The following EFHC1 variants were observed in gnomAD, a reference collection of about 807,000 sequenced individuals.
EFHC1 encodes EF-hand domain containing 1.
Under a neutral mutation model 69.9 loss-of-function variants are expected in EFHC1, and 53 were observed. The ratio of observed to expected loss-of-function variants is 0.76; its 90% CI spans 0.61 to 0.95. EFHC1 has a LOEUF of 0.95. Ranked by LOEUF, EFHC1 falls within the 40% of genes least tolerant of loss-of-function variation. The pLI, the probability that EFHC1 is intolerant of heterozygous loss-of-function variation, is 0.00. For missense variants in EFHC1, 739 were observed against 798.7 expected (o/e 0.93, Z 0.90); for synonymous variants, 256 against 278.4 (o/e 0.92, Z 0.80).
In EFHC1 at chr6:52,494,816, A is replaced by G. The variant is rs781503993; in HGVS notation, c.*2475A>G. On this transcript the variant is annotated 3_prime_UTR_variant, in exon 11 of 11. Coordinates refer to ENST00000371068, the MANE Select transcript of EFHC1 (RefSeq NM_018100.4). ...GCAATATTTGGTTTCCTATTCCTGCATCAATTCACTTTAGGATAATGGCCT... is the reference window on the plus strand; with the variant it reads ...GCAATATTTGGTTTCCTATTCCTGCGTCAATTCACTTTAGGATAATGGCCT... 6.6e-6 allele frequency: 3 copies of G among 452,610 alleles called. No homozygotes were observed. Among genetic ancestry groups the G allele is most frequent in the Non-Finnish European group, 1.3e-5 (3 of 225,810 alleles). The allele number at this position is 452,610 out of a possible 1,614,324, so 28.0% of individuals were successfully genotyped here.
intron 2 of EFHC1, among the ~76,000 whole-genome samples, chr6:52,433,441 T>C (rs1179049769): frequency 6.6e-6 from 1 of 152,208 alleles, no homozygotes; most frequent in Non-Finnish European, 1.5e-5. Context: ...GTGATTGTTA[T>C]CTCTCTTCTG....
intron 9 of EFHC1, chr6:52,487,079 G>A (rs1765801931): frequency 6.6e-6 from 1 of 151,796 alleles, no homozygotes; most frequent in African/African-American, 2.4e-5. Context: ...ACCTTCTTTG[G>A]CATGACTACT....
intron 2 of EFHC1, among the ~76,000 whole-genome samples, chr6:52,427,138 T>C (rs1199331290): frequency 6.6e-6 from 1 of 152,226 alleles, no homozygotes; most frequent in Non-Finnish European, 1.5e-5. Context: ...TCATCCTCAC[T>C]ATTACCATAA....
In EFHC1 at chr6:52,495,977, C is replaced by T. The variant is rs1334607202; in HGVS notation, c.*3636C>T. 1.8e-5 allele frequency: 4 copies of T among 218,362 alleles called. No homozygotes were observed. The highest frequency in any genetic ancestry group is 3.7e-5 in the Non-Finnish European group (4 of 108,312). The allele number at this position is 218,362 out of a possible 1,614,324, so 13.5% of individuals were successfully genotyped here. Reference sequence around the variant, plus strand: ...AAGCAGCAAGTATAGGAGCCACAAACGTCAGAGCAAATCACTTTTTCTACT... The same window carrying T: ...AAGCAGCAAGTATAGGAGCCACAAATGTCAGAGCAAATCACTTTTTCTACT... On this transcript the variant is annotated 3_prime_UTR_variant, in exon 11 of 11. Transcript: ENST00000371068.
At position 52,497,077 on chromosome 6, in the gene EFHC1, C is replaced by T. The variant is rs1766083427; in HGVS notation, c.*4736C>T. On this transcript the variant is annotated 3_prime_UTR_variant, in exon 11 of 11. Transcript: ENST00000371068. ...AATAACATCATAGTATAGTAGGCAT[C>T]AAGGATGATGTGCTTGTTTCTGGAG... 1 of 152,178 alleles carries T rather than the reference C, an allele frequency of 6.6e-6. No homozygotes were observed. The highest frequency in any genetic ancestry group is 2.4e-5 in the African/African-American group (1 of 41,432). 9.4% of individuals were successfully genotyped at this position (152,178 alleles called of 1,614,324 possible). A position where few individuals can be genotyped will look rare whatever the true frequency, so the allele number is the denominator to read the frequency against.
intron 7 of EFHC1, among the ~76,000 whole-genome samples, chr6:52,471,703 TA>T: frequency 6.6e-6 from 1 of 151,710 alleles, no homozygotes; most frequent in Middle Eastern, 3.4e-3. Context: ...CTGCATCTAC[TA>T]AAAAAATACA....
intron 3 of EFHC1, among the ~76,000 whole-genome samples, chr6:52,441,684 T>G (rs768010136): frequency 2.0e-5 from 3 of 152,152 alleles, no homozygotes; most frequent in Non-Finnish European, 2.9e-5. Flanking sequence ...TGTACATTGC[T>G]TTGGGCAGTA....
chr6:52,492,408 T>G lies in EFHC1; in HGVS notation c.*67T>G, dbSNP rs1026506041. ...CTATGCTTTGAAATACACCTTACAC[T>G]CTTCATAGAGGCATTTACAGGGTTC... On this transcript the variant is annotated 3_prime_UTR_variant, in exon 11 of 11. Coordinates refer to ENST00000371068, the MANE Select transcript of EFHC1 (RefSeq NM_018100.4). The G allele has an allele frequency of 6.9e-6, 10 of 1,452,894 alleles. No individual in the cohort carries two copies. In the African/African-American group the frequency reaches 1.4e-4, roughly 20 times the overall value. The allele number at this position is 1,452,894 out of a possible 1,614,324, so 90.0% of individuals were successfully genotyped here.
chr6:52,427,308 C>T (rs1310624488), intron 2 of EFHC1, among the ~76,000 whole-genome samples: 2 of 152,146 alleles, frequency 1.3e-5, no homozygotes, highest in Non-Finnish European at 2.9e-5. Flanking sequence ...CTCTCCCCAG[C>T]CTCATCTTGG....
At chr6:52,423,693 TAGAGACAGCATC>T in intron 1 of EFHC1, 1 of 534,692 alleles carries the variant, frequency 1.9e-6, no homozygotes, top group Non-Finnish European at 3.2e-6. Context: ...TTAGTTTTTG[TAGAGACAGCATC>T]TTGTTGCCCA....
At chr6:52,455,112 T>C (rs1158003075) in intron 5 of EFHC1, among the ~76,000 whole-genome samples, 6 of 151,798 alleles carry the variant, frequency 4.0e-5, no homozygotes, top group Non-Finnish European at 1.5e-5. Context: ...AAAAGTTACC[T>C]ACCATATTTG....
At chr6:52,447,253 G>A (rs1371686244) in intron 3 of EFHC1, among the ~76,000 whole-genome samples, 1 of 152,200 alleles carries the variant, frequency 6.6e-6, no homozygotes, top group Non-Finnish European at 1.5e-5. Context: ...TGGAGGCTTT[G>A]TTCATTTCTT....
chr6:52,484,990 C>G (rs928524230), intron 9 of EFHC1, among the ~76,000 whole-genome samples: 1 of 151,890 alleles, frequency 6.6e-6, no homozygotes, highest in African/African-American at 2.4e-5. Context: ...CAAATATAAT[C>G]CATATCATTA....
intron 6 of EFHC1, 90 bp downstream of exon 6, chr6:52,465,205 T>C (rs1581838505): frequency 1.8e-6 from 2 of 1,131,006 alleles, no homozygotes; most frequent in East Asian, 2.5e-5. Context: ...AAATATTCGA[T>C]AAATAATGGA....
chr6:52,466,370 T>C (rs1429284071), intron 6 of EFHC1, among the ~76,000 whole-genome samples: 2 of 152,168 alleles, frequency 1.3e-5, no homozygotes, highest in African/African-American at 2.4e-5. Context: ...AACTTTTGCT[T>C]GTGCTCTTCC....
Position 52,496,008 on chromosome 6 carries a change from C to T in EFHC1, c.*3667C>T, listed in dbSNP as rs1766049378. On this transcript the variant is annotated 3_prime_UTR_variant, in exon 11 of 11. Coordinates refer to ENST00000371068, the MANE Select transcript of EFHC1 (RefSeq NM_018100.4). ...AGCAAATCACTTTTTCTACTAAAAT[C>T]CTGAATGGCAGTGCAGCCATTAGAT... 1 of 214,452 alleles carries T rather than the reference C, an allele frequency of 4.7e-6. No homozygotes were observed. The highest frequency in any genetic ancestry group is 9.4e-6 in the Non-Finnish European group (1 of 106,152). The allele number at this position is 214,452 out of a possible 1,614,324, so 13.3% of individuals were successfully genotyped here. A position where few individuals can be genotyped will look rare whatever the true frequency, so the allele number is the denominator to read the frequency against.
intron 1 of EFHC1, among the ~76,000 whole-genome samples, chr6:52,423,114 A>T (rs994263282): frequency 6.6e-6 from 1 of 152,240 alleles, no homozygotes; most frequent in African/African-American, 2.4e-5. Context: ...TGGTCGGGGT[A>T]GAATTATTGA....
chr6:52,461,335 C>T (rs1765161585), intron 5 of EFHC1, among the ~76,000 whole-genome samples: 1 of 152,134 alleles, frequency 6.6e-6, no homozygotes, highest in South Asian at 2.1e-4. Flanking sequence ...ATTTTCTGTT[C>T]CTGCATTAGT....
chr6:52,466,710 T>TA (rs1361451677), intron 6 of EFHC1, among the ~76,000 whole-genome samples: 1 of 152,224 alleles, frequency 6.6e-6, no homozygotes, highest in Non-Finnish European at 1.5e-5. Context: ...GAAAATTGGC[T>TA]ATGAAGGTGT....
Sources: allele counts gnomAD v4.1 joint callset (sites outside exome capture counted in the v4.1 genomes callset), GRCh38; gene constraint gnomAD v4.1.1; transcripts MANE v1.5; gene names NCBI Gene and HGNC (gene_info 2026-07-23, HGNC 2026-07-21).